The following MCTP1 variants were observed in gnomAD, a reference collection of about 807,000 sequenced individuals.
The protein encoded by MCTP1 is multiple C2 and transmembrane domain-containing protein 1.
Under a neutral mutation model 120.6 loss-of-function variants are expected in MCTP1, and 69 were observed. The observed-to-expected ratio is 0.57, with a 90% CI of 0.47 to 0.70. The LOEUF is 0.70. Among genes scored for constraint, MCTP1 ranks in the 30% least tolerant of loss-of-function variants. MCTP1 has a pLI of 0.00. For missense variants in MCTP1, 1,203 were observed against 1,248.8 expected, an observed-to-expected ratio of 0.96 and a Z score of 0.55; for synonymous variants, 529 against 493.1, an observed-to-expected ratio of 1.07 and a Z score of -0.96.
chr5:95,165,674 G>C (rs1463388788), intron 1 of MCTP1, among the ~76,000 whole-genome samples: 1 of 152,146 alleles, frequency 6.6e-6, no homozygotes, highest in Non-Finnish European at 1.5e-5. Context: ...CCTGAAGTCC[G>C]CTTGAAACTT....
At chr5:94,972,992 G>C (rs915178355) in intron 2 of MCTP1, among the ~76,000 whole-genome samples, 8 of 152,074 alleles carry the variant, frequency 5.3e-5, no homozygotes, top group African/African-American at 1.9e-4. Flanking sequence ...AGTATCTACT[G>C]TGTGCCTTGT....
At chr5:95,105,917 G>A (rs184396599) in intron 1 of MCTP1, among the ~76,000 whole-genome samples, 6 of 152,200 alleles carry the variant, frequency 3.9e-5, no homozygotes, top group African/African-American at 7.2e-5. Context: ...TATAGGTTTC[G>A]AGGCTCAGAA....
At chr5:95,181,765 G>T (rs946234276) in intron 1 of MCTP1, among the ~76,000 whole-genome samples, 4 of 152,174 alleles carry the variant, frequency 2.6e-5, no homozygotes, top group Non-Finnish European at 4.4e-5. Context: ...TACAAAATTT[G>T]CCACCAGCCC....
intron 1 of MCTP1, among the ~76,000 whole-genome samples, chr5:95,063,660 T>A (rs1749844728): frequency 6.6e-6 from 1 of 152,094 alleles, no homozygotes; most frequent in Admixed American, 6.5e-5. Context: ...CAGTGGTGCA[T>A]TCTCGGCTCA....
At position 95,045,748 on chromosome 5, in the gene MCTP1, T is replaced by C. The variant is rs573734846; in HGVS notation, c.721-28264A>G. Among the ~76,000 whole-genome samples, 13 of 152,286 alleles carry C rather than the reference T, an allele frequency of 8.5e-5. No homozygotes were observed. The East Asian group carries it at 2.1e-3, about 25-fold the overall frequency. ...AAACATATACCAAACATGTGATATA[T>C]GGTTACATCATAATTTCTGACATTT... On this transcript the variant is annotated intron_variant, in intron 1 of 22. Coordinates refer to ENST00000515393, the MANE Select transcript of MCTP1 (RefSeq NM_024717.7).
chr5:95,150,485 T>C (rs1294041358), intron 1 of MCTP1, among the ~76,000 whole-genome samples: 1 of 152,228 alleles, frequency 6.6e-6, no homozygotes. Context: ...AGTAAAATCT[T>C]TGGCTTTAGC....
intron 2 of MCTP1, among the ~76,000 whole-genome samples, chr5:94,989,296 C>T (rs436063): frequency 0.71 from 107,626 of 151,910 alleles, 38,666 homozygotes; most frequent in Admixed American, 0.81. Context: ...AAAGAAGGTC[C>T]CTTTTGTCTT....
chr5:95,210,027 G>T (rs929588370), intron 1 of MCTP1, among the ~76,000 whole-genome samples: 1 of 152,174 alleles, frequency 6.6e-6, no homozygotes, highest in African/African-American at 2.4e-5. Flanking sequence ...TTGCACTGTG[G>T]TCTGAGAGAT....
chr5:94,892,941 A>T (rs1046585404), intron 11 of MCTP1, among the ~76,000 whole-genome samples: 3 of 152,224 alleles, frequency 2.0e-5, no homozygotes, highest in African/African-American at 7.2e-5. Context: ...AGTAAATATA[A>T]CAGATGTGCT....
intron 10 of MCTP1, among the ~76,000 whole-genome samples, chr5:94,907,609 G>A (rs73136028): frequency 0.043 from 6,488 of 152,204 alleles, 178 homozygotes; most frequent in Non-Finnish European, 0.055. Context: ...ACAAAGTGAA[G>A]TGAGATAGTT....
At chr5:94,995,179 G>A (rs2153625091) in intron 2 of MCTP1, among the ~76,000 whole-genome samples, 1 of 152,278 alleles carries the variant, frequency 6.6e-6, no homozygotes, top group East Asian at 1.9e-4. Context: ...GGGGGGCAGT[G>A]AGATTCTTTA....
intron 3 of MCTP1, among the ~76,000 whole-genome samples, chr5:94,947,575 T>TAGAGAGAGAGAGAGAG (rs1252999006): frequency 2.1e-5 from 1 of 47,428 alleles, no homozygotes; most frequent in Non-Finnish European, 3.9e-5. Context: ...TATATATATA[T>TAGAGAGAGAGAGAGAG]ATAGAGAGAG....
At chr5:94,780,326 C>T (rs1402499059) in intron 18 of MCTP1, among the ~76,000 whole-genome samples, 1 of 151,864 alleles carries the variant, frequency 6.6e-6, no homozygotes, top group Non-Finnish European at 1.5e-5. Context: ...ATAACCAAGA[C>T]TGTATTATGA....
chr5:94,871,503 G>A, intron 13 of MCTP1, 86 bp from the exon 14 acceptor site: 1 of 893,960 alleles, frequency 1.1e-6, no homozygotes, highest in Non-Finnish European at 1.8e-6. Context: ...GATAGCTCCA[G>A]CTGATTTTGT....
intron 17 of MCTP1, among the ~76,000 whole-genome samples, chr5:94,850,893 G>T (rs188134142): frequency 1.7e-4 from 26 of 152,194 alleles, no homozygotes; most frequent in African/African-American, 6.0e-4. Context: ...TGTGGGGGAA[G>T]GGTACAGTGT....
intron 1 of MCTP1, among the ~76,000 whole-genome samples, chr5:95,241,252 C>T (rs1462452644): frequency 6.6e-6 from 1 of 152,180 alleles, no homozygotes; most frequent in East Asian, 1.9e-4. Context: ...GCATCCAAAA[C>T]ATTGACATCA....
intron 1 of MCTP1, among the ~76,000 whole-genome samples, chr5:95,036,964 T>C (rs1841440836): frequency 6.6e-6 from 1 of 151,980 alleles, no homozygotes; most frequent in African/African-American, 2.4e-5. Context: ...CCAGCACAAA[T>C]TAATATTACA....
intron 1 of MCTP1, among the ~76,000 whole-genome samples, chr5:95,080,100 C>A (rs1754541784): frequency 6.6e-6 from 1 of 152,052 alleles, no homozygotes; most frequent in South Asian, 2.1e-4. Flanking sequence ...TTTTTGCTAA[C>A]CACTTTCAAC....
At chr5:94,959,503 T>C (rs963849878) in intron 2 of MCTP1, among the ~76,000 whole-genome samples, 2 of 152,196 alleles carry the variant, frequency 1.3e-5, no homozygotes, top group Admixed American at 6.5e-5. Flanking sequence ...GATGAGATGA[T>C]TGCATATTTA....
Sources: allele counts gnomAD v4.1 joint callset (sites outside exome capture counted in the v4.1 genomes callset), GRCh38; gene constraint gnomAD v4.1.1; transcripts MANE v1.5; gene names NCBI Gene and HGNC (gene_info 2026-07-23, HGNC 2026-07-21).